The following EVC variants were observed in gnomAD, a reference collection of about 807,000 sequenced individuals.
The protein encoded by EVC is evC complex member EVC.
Under a neutral mutation model 118.9 loss-of-function variants are expected in EVC, and 116 were observed. The observed-to-expected ratio is 0.98, with a 90% CI of 0.84 to 1.14. EVC has a LOEUF of 1.14. Ranked by LOEUF, EVC falls within the 50% of genes most tolerant of loss-of-function variation. The pLI, the probability that EVC is intolerant of heterozygous loss-of-function variation, is 0.00. For synonymous variants in EVC, 619 were observed against 534.7 expected, an observed-to-expected ratio of 1.16 and a Z score of -2.18; for missense variants, 1,401 against 1,246.4, an observed-to-expected ratio of 1.12 and a Z score of -1.87.
At chr4:5,819,480 T>C in the EVC span, among the ~76,000 whole-genome samples, 1 of 152,206 alleles carries the variant, frequency 6.6e-6, no homozygotes, top group Non-Finnish European at 1.5e-5. Context: ...TCCTGTCCCC[T>C]GTAACTGTGC....
chr4:5,817,374 G>A (rs902076678), downstream of EVC, among the ~76,000 whole-genome samples: 2 of 152,150 alleles, frequency 1.3e-5, no homozygotes, highest in Non-Finnish European at 2.9e-5. Flanking sequence ...GGATAGCCAG[G>A]CTGCCTAAGT....
intron 6 of EVC, 55 bp downstream of exon 6, chr4:5,741,869 T>C: frequency 1.0e-6 from 1 of 954,810 alleles, no homozygotes; most frequent in Non-Finnish European, 1.6e-6. Flanking sequence ...TTATAATATA[T>C]ACAACTTATG....
rs1366810753 is a variant in EVC, at chr4:5,755,665, C to G, written c.1465-599C>G. Among the ~76,000 whole-genome samples the G allele has an allele frequency of 1.3e-5, 2 of 152,160 alleles. No homozygotes were observed. Among genetic ancestry groups the G allele is most frequent in the Non-Finnish European group, 2.9e-5 (2 of 68,032 alleles). On this transcript the variant is annotated intron_variant, in intron 10 of 20. Coordinates refer to ENST00000264956, the MANE Select transcript of EVC (RefSeq NM_153717.3). This position sits in a 1 kb window ranked among gnomAD's most constrained non-coding sequence, Gnocchi z 4.1. Reference sequence around the variant, plus strand: ...TTAGAGACTCCATTGAAACATCTCCCCAACAGGGAATTTTCTCCTGCAACC... The same window carrying G: ...TTAGAGACTCCATTGAAACATCTCCGCAACAGGGAATTTTCTCCTGCAACC...
chr4:5,757,666 A>G (rs889954097), intron 11 of EVC, among the ~76,000 whole-genome samples: 3 of 152,162 alleles, frequency 2.0e-5, no homozygotes, highest in Non-Finnish European at 4.4e-5. Flanking sequence ...GGAGAGAATG[A>G]AAGAGAGGGC....
At chr4:5,820,340 TATTACTAAC>T in the EVC span, among the ~76,000 whole-genome samples, 4 of 128,068 alleles carry the variant, frequency 3.1e-5, no homozygotes. Flanking sequence ...TTGTCATCAC[TATTACTAAC>T]AACAGCTAAT....
downstream of EVC, among the ~76,000 whole-genome samples, chr4:5,818,854 A>G (rs77933810): frequency 8.9e-4 from 135 of 152,300 alleles, 3 homozygotes; most frequent in East Asian, 0.023. Context: ...AGTGATGCCA[A>G]ATGGACTAAG....
At chr4:5,722,697 T>G (rs572330912) in intron 2 of EVC, among the ~76,000 whole-genome samples, 1 of 152,304 alleles carries the variant, frequency 6.6e-6, no homozygotes, top group East Asian at 1.9e-4. Flanking sequence ...AAGGATGCAT[T>G]TATGCATTCT....
chr4:5,786,565 C>G (rs1419333168), intron 12 of EVC, among the ~76,000 whole-genome samples: 1 of 152,168 alleles, frequency 6.6e-6, no homozygotes, highest in Non-Finnish European at 1.5e-5. Flanking sequence ...TTACTGATTA[C>G]TTAACTGCCT....
chr4:5,808,135 C>CCA, intron 17 of EVC, 66 bp from the exon 18 acceptor site: 2 of 515,902 alleles, frequency 3.9e-6, no homozygotes, highest in East Asian at 4.1e-5. Context: ...TTCCTTCTCC[C>CCA]TCCCTCCCTC....
Position 5,789,578 on chromosome 4 carries a change from C to T in EVC, c.1777-4030C>T, listed in dbSNP as rs886563503. 6.6e-6 allele frequency among the ~76,000 whole-genome samples: 1 copy of T among 152,202 alleles called. No homozygotes were observed. Among genetic ancestry groups the T allele is most frequent in the East Asian group, 1.9e-4 (1 of 5,192 alleles). ...ACATGCTAGGCATCAATCAATAGAT[C>T]TTTCCCTTTCTCCCCATAATACATG... On this transcript the variant is annotated intron_variant, in intron 12 of 20. Transcript: ENST00000264956. This position sits in a 1 kb window ranked among gnomAD's most constrained non-coding sequence, Gnocchi z 4.3.
At chr4:5,761,604 G>A (rs966594220) in intron 11 of EVC, among the ~76,000 whole-genome samples, 17 of 151,910 alleles carry the variant, frequency 1.1e-4, no homozygotes, top group Admixed American at 4.6e-4. Flanking sequence ...AAGATCAGGC[G>A]AACATTTGAA....
At position 5,729,391 on chromosome 4, in the gene EVC, G is replaced by C. The variant is rs745382419; in HGVS notation, c.384+1G>C. 1 of 1,613,936 alleles carries C rather than the reference G, an allele frequency of 6.2e-7. No individual in the cohort carries two copies. Among genetic ancestry groups the C allele is most frequent in the Non-Finnish European group, 8.5e-7 (1 of 1,179,860 alleles). ...CTACCCCATCAATCAGAAGTTCCGG[G>C]TGAGAGTCCTGAGCTCCATCATAGA... On this transcript the variant is annotated splice_donor_variant, in intron 3 of 20. Coordinates refer to ENST00000264956, the MANE Select transcript of EVC (RefSeq NM_153717.3). LOFTEE classifies it high-confidence loss of function.
chr4:5,795,679 G>T, intron 13 of EVC, among the ~76,000 whole-genome samples: 1 of 152,138 alleles, frequency 6.6e-6, no homozygotes, highest in Non-Finnish European at 1.5e-5. Context: ...CAAAGAAGAG[G>T]ATGGAAACAT....
chr4:5,761,536 G>A (rs925204185), intron 11 of EVC, among the ~76,000 whole-genome samples: 1 of 151,772 alleles, frequency 6.6e-6, no homozygotes, highest in African/African-American at 2.4e-5. Context: ...AGCAATGAGA[G>A]GAACAGTTAC....
At chr4:5,745,369 A>G (rs199729910) in intron 7 of EVC, 28 bp downstream of exon 7, 33 of 1,605,460 alleles carry the variant, frequency 2.1e-5, no homozygotes, top group Middle Eastern at 1.6e-4. Flanking sequence ...TTTCCTGTAC[A>G]CAAATTTTGG....
downstream of EVC, among the ~76,000 whole-genome samples, chr4:5,818,486 G>A (rs1718016876): frequency 6.6e-6 from 1 of 152,186 alleles, no homozygotes; most frequent in Admixed American, 6.5e-5. Context: ...AATACCCAAT[G>A]TGGCAGTACT....
chr4:5,760,715 G>T (rs570145533), intron 11 of EVC, among the ~76,000 whole-genome samples: 31 of 152,234 alleles, frequency 2.0e-4, no homozygotes, highest in African/African-American at 6.7e-4. Flanking sequence ...ACCACGCCCA[G>T]CTAATTTTGT....
rs1729670311 is a variant in EVC at position 5,748,258 on chromosome 4, G to C, written c.1050G>C (p.Met350Ile). Residue 350 changes from methionine (M) to isoleucine (I), a missense_variant, in exon 8 of 21, where the codon ATG becomes ATC. Physicochemically the swap from Met to Ile is conservative, Grantham distance 10. Coordinates refer to ENST00000264956, the MANE Select transcript of EVC (RefSeq NM_153717.3). ...TGATGATGACTCTGACGGAAAGAAT[G>C]ATTGCAGCCGAAGGGCTATTGTGCG... The part of the protein sequence containing the change: ...RQLMMTLTER[M>I]IAAEGLLCDS... 6.2e-7 allele frequency: 1 copy of C among 1,614,160 alleles called. No homozygotes were observed. Among genetic ancestry groups the C allele is most frequent in the Non-Finnish European group, 8.5e-7 (1 of 1,180,040 alleles).
chr4:5,779,928 A>G (rs1403042759), intron 11 of EVC, among the ~76,000 whole-genome samples: 2 of 150,690 alleles, frequency 1.3e-5, no homozygotes, highest in African/African-American at 4.9e-5. Context: ...CCAGTTTTCA[A>G]AGGGAATGCT....
Sources: allele counts gnomAD v4.1 joint callset (sites outside exome capture counted in the v4.1 genomes callset), GRCh38; gene constraint gnomAD v4.1.1; non-coding constraint Gnocchi (gnomAD v3.1); transcripts MANE v1.5; gene names NCBI Gene and HGNC (gene_info 2026-07-23, HGNC 2026-07-21).